FUT8: variants seen among roughly 807,000 people sequenced by gnomAD.
The protein encoded by FUT8 is alpha-(1,6)-fucosyltransferase.
A neutral mutation model predicts 71.3 loss-of-function variants in FUT8; 29 were observed. That is an observed-to-expected ratio of 0.41 (90% CI 0.30 to 0.55). The LOEUF is 0.55. Ranked by LOEUF, FUT8 falls within the 20% of genes least tolerant of loss-of-function variation. The pLI is 0.34. For missense variants in FUT8, 544 were observed against 702.1 expected (o/e 0.77, Z 2.55); for synonymous variants, 254 against 239.3 (o/e 1.06, Z -0.57).
At chr14:65,434,231 C>G (rs1452209352) in intron 1 of FUT8, among the ~76,000 whole-genome samples, 2 of 152,190 alleles carry the variant, frequency 1.3e-5, no homozygotes, top group Admixed American at 1.3e-4. Context: ...CAGGAACAAC[C>G]AGATCCAGGA....
chr14:65,454,863 A>T (rs939161638), intron 1 of FUT8, among the ~76,000 whole-genome samples: 27 of 152,158 alleles, frequency 1.8e-4, no homozygotes, highest in Admixed American at 5.9e-4. Context: ...CAAACATGAT[A>T]CTGGATGAGG....
At position 65,413,385 on chromosome 14, in the gene FUT8, G is replaced by A. The variant is rs2065168390; in HGVS notation, c.-326+171G>A. Among the ~76,000 whole-genome samples the A allele has an allele frequency of 6.6e-6, 1 of 152,188 alleles. No individual in the cohort carries two copies. ...CGGAAAAGTGGGGAGGGAGCCCCCGGGACGCTCTGGCGGATGCCTTGGCGC... is the reference window on the plus strand; with the variant it reads ...CGGAAAAGTGGGGAGGGAGCCCCCGAGACGCTCTGGCGGATGCCTTGGCGC... On this transcript the variant is annotated intron_variant, in intron 1 of 10. Transcript: ENST00000673929. This position sits in a 1 kb window ranked among gnomAD's most constrained non-coding sequence, Gnocchi z 4.1.
intron 7 of FUT8, among the ~76,000 whole-genome samples, chr14:65,693,665 T>G (rs1893833965): frequency 6.6e-6 from 1 of 152,230 alleles, no homozygotes; most frequent in South Asian, 2.1e-4. Flanking sequence ...TCTCATGATG[T>G]CTTTATGTGG....
At chr14:65,499,269 T>C (rs561898751) in intron 2 of FUT8, among the ~76,000 whole-genome samples, 1 of 152,214 alleles carries the variant, frequency 6.6e-6, no homozygotes, top group South Asian at 2.1e-4. Flanking sequence ...TCTTTACCCT[T>C]ATAGCATTTT....
At chr14:65,596,408 A>G (rs190686280) in intron 3 of FUT8, among the ~76,000 whole-genome samples, 11 of 152,336 alleles carry the variant, frequency 7.2e-5, no homozygotes, top group Admixed American at 3.9e-4. Context: ...ATATTATCAT[A>G]TAATTTTATA....
intron 2 of FUT8, among the ~76,000 whole-genome samples, chr14:65,544,939 C>G (rs573882179): frequency 6.6e-6 from 1 of 151,744 alleles, no homozygotes; most frequent in African/African-American, 2.4e-5. Context: ...CTCTTTTCCT[C>G]CCTGTCTTAC....
intron 3 of FUT8, among the ~76,000 whole-genome samples, chr14:65,582,715 G>A (rs1171667028): frequency 6.6e-6 from 1 of 152,184 alleles, no homozygotes; most frequent in Admixed American, 6.5e-5. Flanking sequence ...TGAATCTTAA[G>A]TGAGTATTTT....
At chr14:65,642,431 C>T (rs566077340) in intron 6 of FUT8, among the ~76,000 whole-genome samples, 13 of 151,904 alleles carry the variant, frequency 8.6e-5, no homozygotes, top group African/African-American at 2.2e-4. Context: ...GGTAAAACTC[C>T]GTCTCTACTA....
chr14:65,692,396 C>T (rs868818656), intron 7 of FUT8, among the ~76,000 whole-genome samples: 22,231 of 97,842 alleles, frequency 0.23, 1,487 homozygotes, highest in Non-Finnish European at 0.33. Flanking sequence ...GGCGGCTGGC[C>T]GGGCGGGGGG....
At chr14:65,395,917 T>C in the FUT8 span, among the ~76,000 whole-genome samples, 1 of 152,366 alleles carries the variant, frequency 6.6e-6, no homozygotes, top group Non-Finnish European at 1.5e-5. Flanking sequence ...CTTGAATGCT[T>C]TGCTGCTTAG....
Position 65,737,704 on chromosome 14 carries a change from A to G in FUT8, c.1410+4323A>G, listed in dbSNP as rs147468540. Among the ~76,000 whole-genome samples the G allele has an allele frequency of 4.7e-3, 715 of 152,218 alleles. 7 individuals are homozygous for G. Among genetic ancestry groups the G allele is most frequent in the African/African-American group, 0.016 (684 of 41,562 alleles). On this transcript the variant is annotated intron_variant, in intron 10 of 10. Transcript: ENST00000673929. ...TTTAAAGACTAACATTGTTAAAGACATTGTTTAAAGAGCAGTTAATGTTAC... is the reference window on the plus strand; with the variant it reads ...TTTAAAGACTAACATTGTTAAAGACGTTGTTTAAAGAGCAGTTAATGTTAC...
At chr14:65,651,325 C>G (rs548686724) in intron 6 of FUT8, among the ~76,000 whole-genome samples, 118 of 152,336 alleles carry the variant, frequency 7.7e-4, no homozygotes, top group African/African-American at 2.6e-3. Context: ...AGGTTTCAGA[C>G]TGGCCTCTGG....
chr14:65,568,933 G>C (rs755978931), intron 3 of FUT8, among the ~76,000 whole-genome samples: 5 of 151,534 alleles, frequency 3.3e-5, no homozygotes, highest in Non-Finnish European at 5.9e-5. Context: ...TTATAGTGCA[G>C]GTTTGATAGC....
chr14:65,734,478 T>C (rs1284422138), intron 10 of FUT8, among the ~76,000 whole-genome samples: 2 of 152,160 alleles, frequency 1.3e-5, no homozygotes, highest in East Asian at 3.9e-4. Context: ...TACCCAAAGA[T>C]AGCTGCACAG....
At chr14:65,392,281 AG>A in the FUT8 span, among the ~76,000 whole-genome samples, 5 of 152,266 alleles carry the variant, frequency 3.3e-5, no homozygotes, top group Non-Finnish European at 7.3e-5. Flanking sequence ...CTAACTTAAA[AG>A]AAGGACTTCT....
chr14:65,432,548 T>C (rs767627726), intron 1 of FUT8, among the ~76,000 whole-genome samples: 7 of 152,098 alleles, frequency 4.6e-5, no homozygotes, highest in Non-Finnish European at 8.8e-5. Flanking sequence ...TTGGGTAAAA[T>C]GAGGCTAAAA....
At chr14:65,385,632 A>T in the FUT8 span, among the ~76,000 whole-genome samples, 2 of 152,148 alleles carry the variant, frequency 1.3e-5, no homozygotes, top group African/African-American at 4.8e-5. Flanking sequence ...CATTTGTCAT[A>T]TTGAAAATGA....
the FUT8 span, among the ~76,000 whole-genome samples, chr14:65,362,160 G>A: frequency 6.6e-6 from 1 of 152,158 alleles, no homozygotes; most frequent in Non-Finnish European, 1.5e-5. Context: ...CAGATTCCCA[G>A]GCTTTGCTGT....
the FUT8 span, among the ~76,000 whole-genome samples, chr14:65,391,984 G>T: frequency 6.6e-6 from 1 of 152,314 alleles, no homozygotes; most frequent in Non-Finnish European, 1.5e-5. Context: ...CCAGGCTGGA[G>T]TGCAATGGTA....
Sources: allele counts gnomAD v4.1 joint callset (sites outside exome capture counted in the v4.1 genomes callset), GRCh38; gene constraint gnomAD v4.1.1; non-coding constraint Gnocchi (gnomAD v3.1); transcripts MANE v1.5; gene names NCBI Gene and HGNC (gene_info 2026-07-23, HGNC 2026-07-21).